Variants in SASH1 observed in about 807,000 individuals in gnomAD.
SASH1 encodes SAM and SH3 domain-containing protein 1.
In SASH1, 44 loss-of-function variants were observed where a neutral mutation model predicts 125.2. The ratio of observed to expected loss-of-function variants is 0.35; its 90% CI spans 0.28 to 0.45. The LOEUF is 0.45. Among genes scored for constraint, SASH1 ranks in the 20% least tolerant of loss-of-function variants. The pLI is 1.00. For missense variants in SASH1, 1,426 were observed against 1,614.5 expected (o/e 0.88, Z 2.00); for synonymous variants, 639 against 649.1 (o/e 0.98, Z 0.24).
Position 148,343,212 on chromosome 6 carries a change from A to G in SASH1, c.145A>G (p.Met49Val). Residue 49 changes from methionine (M) to valine (V), a missense_variant, in exon 1 of 20, where the codon ATG (methionine) becomes GTG (valine). Physicochemically the swap from Met to Val is conservative, Grantham distance 21. Transcript: ENST00000367467. ...EAFSRLWTDV[M>V]GILDGSLGNI... ...GTTCTCCCGACTCTGGACCGACGTG[A>G]TGGGTATCCTGGTAAGTTACCTGGG... 2 of 1,590,490 alleles carry G rather than the reference A, an allele frequency of 1.3e-6. No individual in the cohort carries two copies. Among genetic ancestry groups the G allele is most frequent in the Non-Finnish European group, 8.5e-7 (1 of 1,173,828 alleles).
At chr6:148,377,627 T>A (rs1782965572) in intron 1 of SASH1, among the ~76,000 whole-genome samples, 1 of 152,258 alleles carries the variant, frequency 6.6e-6, no homozygotes, top group Non-Finnish European at 1.5e-5. Flanking sequence ...AACCCTGTGG[T>A]CTTTGGTTAC....
chr6:148,199,790 G>C, the SASH1 span, among the ~76,000 whole-genome samples: 1 of 146,996 alleles, frequency 6.8e-6, no homozygotes, highest in African/African-American at 2.5e-5. Flanking sequence ...AGGAAGGAAG[G>C]AGAGAGAGAG....
At chr6:148,361,425 A>G (rs1782199187) in intron 1 of SASH1, among the ~76,000 whole-genome samples, 1 of 152,142 alleles carries the variant, frequency 6.6e-6, no homozygotes, top group Admixed American at 6.5e-5. Context: ...CAGCATGGAG[A>G]AACCCTGTCT....
chr6:148,341,909 T>C (rs1051711209), upstream of SASH1, among the ~76,000 whole-genome samples: 1 of 152,192 alleles, frequency 6.6e-6, no homozygotes, highest in African/African-American at 2.4e-5. Flanking sequence ...TGAGTAGTCT[T>C]GAAAGATAGA....
the SASH1 span, among the ~76,000 whole-genome samples, chr6:148,213,424 A>C: frequency 4.6e-5 from 7 of 152,236 alleles, no homozygotes; most frequent in Non-Finnish European, 1.0e-4. Flanking sequence ...AACTGGAAAG[A>C]GTCAAGATTA....
At chr6:148,253,975 G>A in the SASH1 span, among the ~76,000 whole-genome samples, 83 of 152,190 alleles carry the variant, frequency 5.5e-4, no homozygotes, top group African/African-American at 1.9e-3. Flanking sequence ...GCAGGTCAAG[G>A]TGGGCGGATC....
intron 8 of SASH1, among the ~76,000 whole-genome samples, chr6:148,507,234 GGAA>G (rs1779848841): frequency 1.3e-5 from 2 of 152,284 alleles, no homozygotes; most frequent in East Asian, 1.9e-4. Context: ...GCCCGCCCAG[GGAA>G]GAAGAGCAGG....
chr6:148,309,592 A>G (rs1352834311), intron 1 of SASH1, among the ~76,000 whole-genome samples: 1 of 151,950 alleles, frequency 6.6e-6, no homozygotes, highest in Non-Finnish European at 1.5e-5. Flanking sequence ...AACAGGCAGG[A>G]ATGAGGTCAG....
chr6:148,391,740 A>C (rs529185573), intron 2 of SASH1, among the ~76,000 whole-genome samples: 4 of 152,338 alleles, frequency 2.6e-5, no homozygotes, highest in South Asian at 4.1e-4. Flanking sequence ...TTTGCTATAA[A>C]ATATCATAAA....
At position 148,519,803 on chromosome 6, in the gene SASH1, C is replaced by T. The variant is rs1780692020; in HGVS notation, c.1119C>T (p.Phe373=). ...CCCCCAAGAAGATGGGGACATTCTT[C>T]TCCTACCCAGAAGAAGAAAAGGCCC... ...IKPPKKMGTF[F]SYPEEEKAQK... The change falls in exon 10 of 20, where the codon TTC becomes TTT. Residue 373 remains phenylalanine (F), a synonymous_variant. Coordinates refer to ENST00000367467, the MANE Select transcript of SASH1 (RefSeq NM_015278.5). This position sits in a 1 kb window ranked among gnomAD's most constrained non-coding sequence, Gnocchi z 4.8. The T allele has an allele frequency of 6.2e-7, 1 of 1,613,894 alleles. No homozygotes were observed. Among genetic ancestry groups the T allele is most frequent in the East Asian group, 2.2e-5 (1 of 44,856 alleles).
At chr6:148,513,020 A>G (rs1780238481) in intron 8 of SASH1, 1 of 985,264 alleles carries the variant, frequency 1.0e-6, no homozygotes, top group African/African-American at 1.7e-5. Flanking sequence ...TGTTCGTGCC[A>G]TAGTGCAAAG....
chr6:148,323,063 C>T (rs1468450824), intron 1 of SASH1, among the ~76,000 whole-genome samples: 2 of 150,126 alleles, frequency 1.3e-5, no homozygotes, highest in African/African-American at 4.9e-5. Context: ...GTTCTAGCTC[C>T]GTCACCCAGG....
At chr6:148,297,928 A>G (rs1779807115) in intron 1 of SASH1, among the ~76,000 whole-genome samples, 1 of 152,158 alleles carries the variant, frequency 6.6e-6, no homozygotes, top group African/African-American at 2.4e-5. Context: ...ACATGGCTAT[A>G]ATTTGCAGGT....
intron 7 of SASH1, among the ~76,000 whole-genome samples, chr6:148,477,137 C>T (rs1347372051): frequency 6.6e-6 from 1 of 152,144 alleles, no homozygotes; most frequent in African/African-American, 2.4e-5. Flanking sequence ...AGGAAATTCT[C>T]CAGGACACCG....
At chr6:148,279,091 A>C (rs1451745448) in intron 1 of SASH1, among the ~76,000 whole-genome samples, 1 of 151,948 alleles carries the variant, frequency 6.6e-6, no homozygotes, top group Non-Finnish European at 1.5e-5. Flanking sequence ...TCCTGAGTTC[A>C]AGCAATTTTC....
intron 8 of SASH1, among the ~76,000 whole-genome samples, chr6:148,502,652 G>A (rs1779605440): frequency 6.6e-6 from 1 of 150,834 alleles, no homozygotes; most frequent in Admixed American, 6.6e-5. Context: ...GGAGGGCCGG[G>A]AAGCTCCTGT....
intron 4 of SASH1, among the ~76,000 whole-genome samples, chr6:148,456,066 A>G (rs1728792281): frequency 6.6e-6 from 1 of 152,092 alleles, no homozygotes; most frequent in Non-Finnish European, 1.5e-5. Flanking sequence ...GGGGATGGTG[A>G]ATGGGAGCCA....
At chr6:148,411,051 C>T (rs936691847) in intron 2 of SASH1, among the ~76,000 whole-genome samples, 21 of 150,812 alleles carry the variant, frequency 1.4e-4, no homozygotes, top group Non-Finnish European at 2.5e-4. Flanking sequence ...CCTAGCTATG[C>T]GGGAGGCTGA....
chr6:148,468,604 G>A lies in SASH1; in HGVS notation c.427+19G>A. On this transcript the variant is annotated intron_variant, in intron 5 of 19. Transcript: ENST00000367467. The stretch of plus-strand genomic sequence containing the variant: ...TCTGTAGGTCAGTACCACTTTTCTT[G>A]GTTTACCTATTTAATTATTTCAATA... The A allele has an allele frequency of 1.3e-6, 2 of 1,532,050 alleles. No homozygotes were observed. The highest frequency in any genetic ancestry group is 1.8e-5 in the Admixed American group (1 of 55,992). 94.9% of individuals were successfully genotyped at this position (1,532,050 alleles called of 1,614,324 possible).
Sources: allele counts gnomAD v4.1 joint callset (sites outside exome capture counted in the v4.1 genomes callset), GRCh38; gene constraint gnomAD v4.1.1; non-coding constraint Gnocchi (gnomAD v3.1); transcripts MANE v1.5; gene names NCBI Gene and HGNC (gene_info 2026-07-23, HGNC 2026-07-21).